FBN1: variants seen among roughly 807,000 people sequenced by gnomAD.
The protein encoded by FBN1 is fibrillin 1.
Under a neutral mutation model 365.1 loss-of-function variants are expected in FBN1, and 29 were observed. The observed-to-expected ratio is 0.08, with a 90% CI of 0.06 to 0.11. The LOEUF is 0.11. Among genes scored for constraint, FBN1 ranks in the 10% least tolerant of loss-of-function variants. The pLI, the probability that FBN1 is intolerant of heterozygous loss-of-function variation, is 1.00. For synonymous variants in FBN1, 1,210 were observed against 1,270.5 expected (o/e 0.95, Z 1.01); for missense variants, 2,476 against 3,703.2 (o/e 0.67, Z 8.60).
intron 6 of FBN1, among the ~76,000 whole-genome samples, chr15:48,591,015 A>G (rs1411467969): frequency 6.6e-6 from 1 of 152,230 alleles, no homozygotes; most frequent in Admixed American, 6.5e-5. Flanking sequence ...CTGAGGATAC[A>G]TGATGAGCAG....
chr15:48,622,587 A>G (rs1483906991), intron 2 of FBN1, among the ~76,000 whole-genome samples: 1 of 152,118 alleles, frequency 6.6e-6, no homozygotes, highest in Admixed American at 6.5e-5. Context: ...CTCCATTAGG[A>G]CAATATGGGT....
intron 49 of FBN1, among the ~76,000 whole-genome samples, chr15:48,443,355 T>C (rs2043130747): frequency 6.6e-6 from 1 of 152,232 alleles, no homozygotes; most frequent in Non-Finnish European, 1.5e-5. Flanking sequence ...AATTAGCCTG[T>C]ACATGCCAAC....
At position 48,537,235 on chromosome 15, in the gene FBN1, A is replaced by C. The variant is rs1597593370; in HGVS notation, c.736+376T>G. On this transcript the variant is annotated intron_variant, in intron 7 of 65. Transcript: ENST00000316623. ...ACAACCCATGAGAGAGGAACTCAAC[A>C]GTTTCAAATGAAGAAAAAAAATTAA... 3.9e-5 allele frequency among the ~76,000 whole-genome samples: 6 copies of C among 152,360 alleles called. No homozygotes were observed. In the South Asian group the frequency reaches 1.2e-3, roughly 32 times the overall value.
chr15:48,565,216 C>T (rs1448361967), intron 6 of FBN1, among the ~76,000 whole-genome samples: 2 of 152,128 alleles, frequency 1.3e-5, no homozygotes, highest in Non-Finnish European at 2.9e-5. Context: ...GTGCATCATA[C>T]ATATTAAATA....
At chr15:48,541,174 T>C (rs530113009) in intron 6 of FBN1, among the ~76,000 whole-genome samples, 5 of 152,112 alleles carry the variant, frequency 3.3e-5, no homozygotes, top group Admixed American at 2.6e-4. Context: ...CAATATGAAA[T>C]ACATAGAATC....
intron 2 of FBN1, among the ~76,000 whole-genome samples, chr15:48,624,291 A>G (rs1401681077): frequency 6.6e-6 from 1 of 152,188 alleles, no homozygotes; most frequent in Non-Finnish European, 1.5e-5. Context: ...CAGCACTAAG[A>G]ACACTAAGTC....
chr15:48,502,426 T>C (rs2043669189), intron 17 of FBN1, among the ~76,000 whole-genome samples: 1 of 152,218 alleles, frequency 6.6e-6, no homozygotes, highest in African/African-American at 2.4e-5. Context: ...TACTTTCAAA[T>C]ACTATCATTT....
intron 11 of FBN1, among the ~76,000 whole-genome samples, chr15:48,515,918 G>A (rs981421466): frequency 6.6e-6 from 1 of 151,984 alleles, no homozygotes; most frequent in South Asian, 2.1e-4. Flanking sequence ...TTTAACTATC[G>A]CCCATAACTC....
At chr15:48,528,120 C>T (rs1359546695) in intron 8 of FBN1, among the ~76,000 whole-genome samples, 1 of 152,198 alleles carries the variant, frequency 6.6e-6, no homozygotes, top group Non-Finnish European at 1.5e-5. Context: ...TGCCAAAGAT[C>T]GCATGAGGAG....
At chr15:48,503,127 G>A (rs781131406) in intron 17 of FBN1, among the ~76,000 whole-genome samples, 40 of 151,668 alleles carry the variant, frequency 2.6e-4, no homozygotes, top group Non-Finnish European at 2.7e-4. Context: ...GTGAAACCTC[G>A]TCTCTACTAA....
At chr15:48,634,335 T>C (rs1228479245) in intron 2 of FBN1, among the ~76,000 whole-genome samples, 1 of 152,226 alleles carries the variant, frequency 6.6e-6, no homozygotes, top group Non-Finnish European at 1.5e-5. Context: ...GGCATCCAAG[T>C]GTCTTTCTTT....
intron 4 of FBN1, among the ~76,000 whole-genome samples, chr15:48,600,472 G>A (rs572860823): frequency 6.6e-6 from 1 of 152,352 alleles, no homozygotes; most frequent in African/African-American, 2.4e-5. Flanking sequence ...GGGAGGCCAA[G>A]GTAGGCGGAT....
intron 6 of FBN1, among the ~76,000 whole-genome samples, chr15:48,577,993 A>T (rs2044362129): frequency 6.6e-6 from 1 of 152,210 alleles, no homozygotes. Flanking sequence ...GCTTGTTACT[A>T]AAGTAATATT....
chr15:48,448,528 A>T (rs113566192), intron 46 of FBN1, among the ~76,000 whole-genome samples: 1 of 152,176 alleles, frequency 6.6e-6, no homozygotes, highest in African/African-American at 2.4e-5. Context: ...ATCTTTTTCA[A>T]TTTACCCCTT....
chr15:48,590,806 A>G (rs750651286), intron 6 of FBN1, among the ~76,000 whole-genome samples: 7 of 152,182 alleles, frequency 4.6e-5, no homozygotes, highest in Non-Finnish European at 7.3e-5. Context: ...TTTGGCCCCA[A>G]TTGTTCCTTT....
At chr15:48,443,456 G>A (rs62011393) in intron 49 of FBN1, among the ~76,000 whole-genome samples, 7 of 151,936 alleles carry the variant, frequency 4.6e-5, no homozygotes, top group Non-Finnish European at 8.8e-5. Context: ...TCAATTTAGC[G>A]AACTTATGTA....
intron 24 of FBN1, 96 bp downstream of exon 24, chr15:48,492,365 G>A (rs2043567155): frequency 8.0e-7 from 1 of 1,248,448 alleles, no homozygotes; most frequent in African/African-American, 1.5e-5. Context: ...GTGTGTGTCT[G>A]TACCTGAAGC....
intron 40 of FBN1, among the ~76,000 whole-genome samples, chr15:48,465,318 G>C (rs973960250): frequency 1.5e-4 from 23 of 152,298 alleles, no homozygotes; most frequent in African/African-American, 5.3e-4. Context: ...GCATAAATGA[G>C]GCTATGGTCC....
At chr15:48,439,286 A>G (rs1254674448) in intron 50 of FBN1, among the ~76,000 whole-genome samples, 2 of 152,158 alleles carry the variant, frequency 1.3e-5, no homozygotes, top group Admixed American at 6.5e-5. Flanking sequence ...TCATCTCTCT[A>G]ATTTCTATTC....
Sources: gnomAD v4.1 joint callset for allele counts (sites outside exome capture counted in the v4.1 genomes callset) on GRCh38, gnomAD v4.1.1 for gene constraint, MANE v1.5 for transcripts, NCBI Gene and HGNC (gene_info 2026-07-23, HGNC 2026-07-21) for gene names.